PARD3B: variants seen among roughly 807,000 people sequenced by gnomAD.
The protein encoded by PARD3B is partitioning defective 3 homolog B.
PARD3B carries 103 observed loss-of-function variants against 130.2 expected under a neutral mutation model. The observed-to-expected ratio is 0.79, with a 90% CI of 0.67 to 0.93. PARD3B has a LOEUF of 0.93. Ranked by LOEUF, PARD3B falls within the 40% of genes least tolerant of loss-of-function variation. PARD3B has a pLI of 0.00. For missense variants in PARD3B, 1,609 were observed against 1,499.2 expected, an observed-to-expected ratio of 1.07 and a Z score of -1.21; for synonymous variants, 583 against 553.2, an observed-to-expected ratio of 1.05 and a Z score of -0.76.
At chr2:205,383,636 G>C (rs148170984) in intron 18 of PARD3B, among the ~76,000 whole-genome samples, 3 of 151,990 alleles carry the variant, frequency 2.0e-5, no homozygotes, top group African/African-American at 7.2e-5. Flanking sequence ...AATTCACTCT[G>C]TTGTATACAG....
At position 205,405,940 on chromosome 2, in the gene PARD3B, T is replaced by A. The variant is rs1268336736; in HGVS notation, c.2741+4817T>A. On this transcript the variant is annotated intron_variant, in intron 19 of 22. Transcript: ENST00000406610. The surrounding 1 kb of genome is among the most constrained non-coding windows in gnomAD (Gnocchi z 4.1). Reference sequence around the variant, plus strand: ...GTGGATATGCCTGCCAAAAGCTTAATCTGGTCCTAAGCTACATTACTGGAA... The same window carrying A: ...GTGGATATGCCTGCCAAAAGCTTAAACTGGTCCTAAGCTACATTACTGGAA... 6.6e-6 allele frequency among the ~76,000 whole-genome samples: 1 copy of A among 152,238 alleles called. No individual in the cohort carries two copies. Among genetic ancestry groups the A allele is most frequent in the East Asian group, 1.9e-4 (1 of 5,200 alleles).
In PARD3B at chr2:204,823,410, G is replaced by A. The variant is rs189861296; in HGVS notation, c.222+137128G>A. On this transcript the variant is annotated intron_variant, in intron 2 of 22. Coordinates refer to ENST00000406610, the MANE Select transcript of PARD3B (RefSeq NM_001302769.2). ...TATATTATTTTATTAAAAAATGAGT[G>A]TCATTTATGTATTACATGTACTATG... Among the ~76,000 whole-genome samples, 478 of 151,830 alleles carry A rather than the reference G, an allele frequency of 3.1e-3. 2 individuals carry two copies. Among genetic ancestry groups the A allele is most frequent in the African/African-American group, 0.011 (455 of 41,406 alleles).
intron 1 of PARD3B, among the ~76,000 whole-genome samples, chr2:204,628,277 C>CA (rs1045264564): frequency 1.3e-5 from 1 of 78,644 alleles, no homozygotes; most frequent in East Asian, 4.8e-4. Context: ...TCTAAATTCC[C>CA]GTTTTTTTTT....
At chr2:204,976,840 C>T (rs1372996921) in intron 3 of PARD3B, among the ~76,000 whole-genome samples, 2 of 151,906 alleles carry the variant, frequency 1.3e-5, no homozygotes, top group Admixed American at 6.6e-5. Context: ...GAACTCCTGA[C>T]CTCAAGTGAT....
intron 2 of PARD3B, among the ~76,000 whole-genome samples, chr2:204,852,503 T>C (rs1247396019): frequency 6.6e-6 from 1 of 151,412 alleles, no homozygotes; most frequent in Admixed American, 6.6e-5. Context: ...ATCAGAATAA[T>C]GTTATAAACA....
At chr2:204,735,501 A>G (rs965176665) in intron 2 of PARD3B, among the ~76,000 whole-genome samples, 1 of 152,186 alleles carries the variant, frequency 6.6e-6, no homozygotes, top group East Asian at 1.9e-4. Context: ...CTACAAGGCA[A>G]TTGACTGGAC....
chr2:205,176,376 A>C lies in PARD3B; in HGVS notation c.1792-69A>C. 7.1e-7 allele frequency: 1 copy of C among 1,418,066 alleles called. No individual in the cohort carries two copies. Among genetic ancestry groups the C allele is most frequent in the East Asian group, 2.4e-5 (1 of 42,050 alleles). 87.8% of individuals were successfully genotyped at this position (1,418,066 alleles called of 1,614,324 possible). Reference sequence around the variant, plus strand: ...CTATTCATACAGCGATCATTCTTTCACTTTGCTTCAACTGACCAAGTTGGA... The same window carrying C: ...CTATTCATACAGCGATCATTCTTTCCCTTTGCTTCAACTGACCAAGTTGGA... On this transcript the variant is annotated intron_variant, in intron 12 of 22. Coordinates refer to ENST00000406610, the MANE Select transcript of PARD3B (RefSeq NM_001302769.2). This position sits in a 1 kb window ranked among gnomAD's most constrained non-coding sequence, Gnocchi z 5.3.
intron 3 of PARD3B, among the ~76,000 whole-genome samples, chr2:205,007,626 G>A (rs1306611304): frequency 6.6e-6 from 1 of 152,088 alleles, no homozygotes; most frequent in Admixed American, 6.5e-5. Flanking sequence ...AGATTTGGAT[G>A]CCTCCAGATT....
chr2:205,199,635 G>A (rs1267094654), intron 15 of PARD3B, among the ~76,000 whole-genome samples: 1 of 152,100 alleles, frequency 6.6e-6, no homozygotes, highest in Non-Finnish European at 1.5e-5. Context: ...AAAAGAAAGT[G>A]TGCGAGGTGG....
chr2:205,270,163 A>T (rs910891592), intron 16 of PARD3B, among the ~76,000 whole-genome samples: 38 of 152,218 alleles, frequency 2.5e-4, no homozygotes, highest in African/African-American at 8.0e-4. Flanking sequence ...AAAAAATTTT[A>T]AAAGTAAAGA....
chr2:205,445,997 A>C (rs1189157888), intron 20 of PARD3B, among the ~76,000 whole-genome samples: 1 of 152,218 alleles, frequency 6.6e-6, no homozygotes, highest in African/African-American at 2.4e-5. Context: ...ATCCAATGGC[A>C]ATACAAAGAC....
intron 2 of PARD3B, among the ~76,000 whole-genome samples, chr2:204,950,080 A>G (rs530687086): frequency 2.6e-5 from 4 of 152,220 alleles, no homozygotes; most frequent in Non-Finnish European, 5.9e-5. Context: ...GCAAAGTCAT[A>G]TCTCATGTTA....
chr2:205,433,214 CTTTTCTTTTTGTG>C lies in PARD3B; in HGVS notation c.2742-7145_2742-7133del, dbSNP rs775844312. Among the ~76,000 whole-genome samples the C allele has an allele frequency of 2.4e-4, 36 of 152,000 alleles. 2 individuals carry two copies. The highest frequency in any genetic ancestry group is 8.2e-4 in the African/African-American group (34 of 41,472). On this transcript the variant is annotated intron_variant, in intron 19 of 22. Coordinates refer to ENST00000406610, the MANE Select transcript of PARD3B (RefSeq NM_001302769.2). ...TAAGTAGTATAATCAGCATTTTTGC[CTTTTCTTTTTGTG>C]TTTTCTTTTTAAATTGAGATATAGG...
rs1387837669 is a variant in PARD3B at position 205,325,890 on chromosome 2, T to A, written c.2630+24189T>A. ...AACAAATAAAAATAAATAAAACAATTGTGAGAGCAAATAAACACAAAAACA... is the reference window on the plus strand; with the variant it reads ...AACAAATAAAAATAAATAAAACAATAGTGAGAGCAAATAAACACAAAAACA... On this transcript the variant is annotated intron_variant, in intron 18 of 22. Coordinates refer to ENST00000406610, the MANE Select transcript of PARD3B (RefSeq NM_001302769.2). The surrounding 1 kb of genome is among the most constrained non-coding windows in gnomAD (Gnocchi z 4.1). 6.6e-6 allele frequency among the ~76,000 whole-genome samples: 1 copy of A among 152,068 alleles called. No individual in the cohort carries two copies. Among genetic ancestry groups the A allele is most frequent in the East Asian group, 1.9e-4 (1 of 5,196 alleles).
At chr2:205,489,187 A>C (rs2049569254) in intron 20 of PARD3B, among the ~76,000 whole-genome samples, 1 of 151,940 alleles carries the variant, frequency 6.6e-6, no homozygotes, top group East Asian at 1.9e-4. Context: ...TTCTTCTGTG[A>C]CACCCACATA....
At chr2:205,062,343 A>G (rs1700111252) in intron 4 of PARD3B, among the ~76,000 whole-genome samples, 1 of 152,176 alleles carries the variant, frequency 6.6e-6, no homozygotes, top group African/African-American at 2.4e-5. Flanking sequence ...CACAGAGAGC[A>G]CAGTGTGGAT....
At chr2:205,117,045 T>C (rs1035595610) in intron 6 of PARD3B, among the ~76,000 whole-genome samples, 1 of 152,146 alleles carries the variant, frequency 6.6e-6, no homozygotes, top group Non-Finnish European at 1.5e-5. Context: ...ACTTGAATGC[T>C]TGTTAAAAAA....
chr2:205,382,114 A>C (rs1463661247), intron 18 of PARD3B, among the ~76,000 whole-genome samples: 8 of 152,044 alleles, frequency 5.3e-5, no homozygotes, highest in Admixed American at 5.3e-4. Flanking sequence ...ACTTATTTGA[A>C]TTTCACCAGT....
At chr2:205,200,866 T>G (rs922666521) in intron 15 of PARD3B, among the ~76,000 whole-genome samples, 4 of 152,164 alleles carry the variant, frequency 2.6e-5, no homozygotes, top group Admixed American at 6.5e-5. Flanking sequence ...TTAAAAAAGA[T>G]TAATTGTATA....
Sources: allele counts gnomAD v4.1 joint callset (sites outside exome capture counted in the v4.1 genomes callset), GRCh38; gene constraint gnomAD v4.1.1; non-coding constraint Gnocchi (gnomAD v3.1); transcripts MANE v1.5; gene names NCBI Gene and HGNC (gene_info 2026-07-23, HGNC 2026-07-21).